Variants in TENT2 observed in about 807,000 individuals in gnomAD.
TENT2 encodes the protein poly(A) RNA polymerase GLD2.
A neutral mutation model predicts 72.2 loss-of-function variants in TENT2; 44 were observed. The observed-to-expected ratio is 0.61, with a 90% CI of 0.48 to 0.78. TENT2 has a LOEUF of 0.78. Ranked by LOEUF, TENT2 falls within the 30% of genes least tolerant of loss-of-function variation. The pLI is 0.00. For missense variants in TENT2, 541 were observed against 569.6 expected (o/e 0.95, Z 0.51); for synonymous variants, 212 against 192.5 (o/e 1.10, Z -0.84).
In TENT2 at chr5:79,640,822, CTT is replaced by C. The variant is rs748969844; in HGVS notation, c.466-26_466-25del. 4.0e-6 allele frequency: 6 copies of C among 1,481,498 alleles called. No homozygotes were observed. The African/African-American group carries it at 7.1e-5, about 17-fold the overall frequency. The allele number at this position is 1,481,498 out of a possible 1,614,324, so 91.8% of individuals were successfully genotyped here. A position where few individuals can be genotyped will look rare whatever the true frequency, so the allele number is the denominator to read the frequency against. ...ATTACTTTTACATTGCTGAACAAAA[CTT>C]TTACTTTTTTTTGCGGTGGATTCAA... On this transcript the variant is annotated intron_variant, in intron 4 of 14. Transcript: ENST00000453514.
At chr5:79,649,388 T>C (rs975232704) in intron 10 of TENT2, among the ~76,000 whole-genome samples, 198 bp downstream of exon 10, 30 of 150,666 alleles carry the variant, frequency 2.0e-4, no homozygotes, top group African/African-American at 7.3e-4. Flanking sequence ...GTTTCACTGT[T>C]TTTTTTTTTA....
chr5:79,629,997 G>A (rs953715278), intron 4 of TENT2, among the ~76,000 whole-genome samples: 14 of 151,758 alleles, frequency 9.2e-5, no homozygotes, highest in African/African-American at 2.2e-4. Context: ...TTAGCTGGGC[G>A]TGGTGGCGTG....
Position 79,687,354 on chromosome 5 carries a change from C to T in TENT2, c.*2081C>T, listed in dbSNP as rs575856725. On this transcript the variant is annotated 3_prime_UTR_variant, in exon 15 of 15. Coordinates refer to ENST00000453514, the MANE Select transcript of TENT2 (RefSeq NM_001114394.3). ...TATTTTCTGTTTGTGTTGATCTGTC[C>T]ATTTCTGTATATAGTTGTCCCTCAG... 9.2e-5 allele frequency among the ~76,000 whole-genome samples: 14 copies of T among 151,562 alleles called. No individual in the cohort carries two copies. The highest frequency in any genetic ancestry group is 3.2e-4 in the African/African-American group (13 of 41,242).
Position 79,676,337 on chromosome 5 carries a change from G to T in TENT2, c.1209-3242G>T, listed in dbSNP as rs111245958. 5.7e-3 allele frequency among the ~76,000 whole-genome samples: 867 copies of T among 152,154 alleles called. 10 individuals are homozygous for T. The highest frequency in any genetic ancestry group is 0.02 in the African/African-American group (833 of 41,520). The stretch of plus-strand genomic sequence containing the variant: ...AATGGGGCTGGGCACAGTGGCTCAC[G>T]CACCTTGGGAGGCTGAGGTGGGCAG... On this transcript the variant is annotated intron_variant, in intron 12 of 14. Transcript: ENST00000453514.
intron 6 of TENT2, among the ~76,000 whole-genome samples, chr5:79,642,418 A>C (rs999597864): frequency 1.3e-5 from 2 of 151,918 alleles, no homozygotes; most frequent in African/African-American, 2.4e-5. Flanking sequence ...ACATATCTAA[A>C]TCATGATGTC....
chr5:79,623,912 A>G (rs1220109033), intron 4 of TENT2, among the ~76,000 whole-genome samples: 1 of 152,218 alleles, frequency 6.6e-6, no homozygotes, highest in Admixed American at 6.5e-5. Context: ...GAGAAAAACA[A>G]TACATTCAAA....
At chr5:79,643,273 G>A (rs1785871733) in intron 7 of TENT2, among the ~76,000 whole-genome samples, 1 of 152,132 alleles carries the variant, frequency 6.6e-6, no homozygotes, top group Non-Finnish European at 1.5e-5. Flanking sequence ...GACTTTATAT[G>A]TGTGAGAGAG....
chr5:79,664,438 T>C (rs1460428905), intron 11 of TENT2, among the ~76,000 whole-genome samples: 2 of 151,950 alleles, frequency 1.3e-5, no homozygotes, highest in Non-Finnish European at 2.9e-5. Flanking sequence ...CTACTAAAAA[T>C]ACAAAAATTA....
At chr5:79,677,227 TTC>T (rs1270605406) in intron 12 of TENT2, among the ~76,000 whole-genome samples, 62 of 152,220 alleles carry the variant, frequency 4.1e-4, no homozygotes, top group Non-Finnish European at 5.4e-4. Flanking sequence ...ATATTCTTTT[TTC>T]TTTTTGAAGC....
chr5:79,627,564 C>T (rs960198352), intron 4 of TENT2, among the ~76,000 whole-genome samples: 5 of 152,236 alleles, frequency 3.3e-5, no homozygotes, highest in African/African-American at 4.8e-5. Context: ...TGGCTCACTG[C>T]GACCTCCATC....
intron 12 of TENT2, among the ~76,000 whole-genome samples, chr5:79,675,695 G>C (rs1022295402): frequency 2.0e-5 from 3 of 152,276 alleles, no homozygotes; most frequent in East Asian, 3.9e-4. Flanking sequence ...AGAGTTGAGA[G>C]TATGTGAAAG....
At chr5:79,618,021 TC>T (rs1290638655) in intron 1 of TENT2, among the ~76,000 whole-genome samples, 1 of 152,174 alleles carries the variant, frequency 6.6e-6, no homozygotes, top group Non-Finnish European at 1.5e-5. Context: ...TTAGGTAATG[TC>T]CTGTATTTTT....
intron 14 of TENT2, among the ~76,000 whole-genome samples, chr5:79,682,540 C>T (rs1277392582): frequency 6.6e-6 from 1 of 151,796 alleles, no homozygotes; most frequent in Non-Finnish European, 1.5e-5. Context: ...CCCCGTCTTC[C>T]TCCCAAAGTG....
At chr5:79,681,883 G>A in intron 13 of TENT2, 99 bp from the exon 14 acceptor site, 1 of 971,436 alleles carries the variant, frequency 1.0e-6, no homozygotes, top group Non-Finnish European at 1.5e-6. Flanking sequence ...ATTTTTGTAG[G>A]TTAAAAACTG....
At chr5:79,681,784 T>G (rs528661211) in intron 13 of TENT2, 198 bp from the exon 14 acceptor site, 84 of 446,048 alleles carry the variant, frequency 1.9e-4, no homozygotes, top group Non-Finnish European at 2.6e-4. Context: ...TTGAATTCTA[T>G]CTACCTTATT....
At chr5:79,641,812 T>G (rs1429313825) in intron 6 of TENT2, among the ~76,000 whole-genome samples, 1 of 151,980 alleles carries the variant, frequency 6.6e-6, no homozygotes, top group Admixed American at 6.6e-5. Context: ...ATTGTAGATT[T>G]TTTTTTTTGA....
At chr5:79,635,996 A>G (rs745353429) in intron 4 of TENT2, among the ~76,000 whole-genome samples, 6 of 152,218 alleles carry the variant, frequency 3.9e-5, no homozygotes, top group Non-Finnish European at 7.3e-5. Context: ...TGGGCTATGT[A>G]GGTCCTCTGT....
chr5:79,615,781 C>T (rs1022765901), intron 1 of TENT2, among the ~76,000 whole-genome samples: 3 of 151,584 alleles, frequency 2.0e-5, no homozygotes, highest in East Asian at 1.9e-4. Context: ...ACAGTCTCCT[C>T]GGCTCACTCC....
chr5:79,645,061 C>T (rs1205095850), intron 7 of TENT2, 62 bp from the exon 8 acceptor site: 9 of 1,337,666 alleles, frequency 6.7e-6, no homozygotes, highest in South Asian at 1.4e-5. Context: ...AAAAAATGTG[C>T]GTTGGAACAC....
Sources: gnomAD v4.1 joint callset for allele counts (sites outside exome capture counted in the v4.1 genomes callset) on GRCh38, gnomAD v4.1.1 for gene constraint, MANE v1.5 for transcripts, NCBI Gene and HGNC (gene_info 2026-07-23, HGNC 2026-07-21) for gene names.